Variants in MAP4K4 observed in about 807,000 individuals in gnomAD.
MAP4K4 encodes mitogen-activated protein kinase kinase kinase kinase 4.
MAP4K4 carries 38 observed loss-of-function variants against 189.6 expected under a neutral mutation model. The observed-to-expected ratio is 0.20, with a 90% CI of 0.15 to 0.26. The LOEUF (loss-of-function observed/expected upper bound fraction) is 0.26. Ranked by LOEUF, MAP4K4 falls within the 10% of genes least tolerant of loss-of-function variation. MAP4K4 has a pLI of 1.00. For missense variants in MAP4K4, 1,054 were observed against 1,726.9 expected (o/e 0.61, Z 6.91); for synonymous variants, 610 against 624.3 (o/e 0.98, Z 0.34).
intron 2 of MAP4K4, among the ~76,000 whole-genome samples, chr2:101,716,067 T>A (rs1392309016): frequency 2.0e-5 from 3 of 152,204 alleles, no homozygotes; most frequent in African/African-American, 4.8e-5. Context: ...AAAAGTTTCT[T>A]CATGAAACTG....
At chr2:101,781,011 G>A (rs1002144371) in intron 2 of MAP4K4, among the ~76,000 whole-genome samples, 1 of 152,202 alleles carries the variant, frequency 6.6e-6, no homozygotes, top group African/African-American at 2.4e-5. Flanking sequence ...AGTGAGCAAA[G>A]AGCAGCTGCG....
chr2:101,874,621 C>T (rs2098144476), intron 26 of MAP4K4, among the ~76,000 whole-genome samples: 1 of 152,154 alleles, frequency 6.6e-6, no homozygotes, highest in South Asian at 2.1e-4. Context: ...TGACTGTTCT[C>T]ACTATAAAAT....
At chr2:101,733,416 T>C (rs2059280609) in intron 2 of MAP4K4, among the ~76,000 whole-genome samples, 1 of 152,208 alleles carries the variant, frequency 6.6e-6, no homozygotes, top group African/African-American at 2.4e-5. Context: ...TTTCATGAGA[T>C]CATGCAGCAA....
At chr2:101,781,067 C>G (rs138232810) in intron 2 of MAP4K4, among the ~76,000 whole-genome samples, 1 of 152,174 alleles carries the variant, frequency 6.6e-6, no homozygotes, top group East Asian at 1.9e-4. Flanking sequence ...AATCTGAAAT[C>G]TCCATTGTTT....
intron 2 of MAP4K4, among the ~76,000 whole-genome samples, chr2:101,784,426 A>T (rs1209550309): frequency 6.6e-6 from 1 of 152,162 alleles, no homozygotes; most frequent in Non-Finnish European, 1.5e-5. Flanking sequence ...GGTTACTGAG[A>T]TGTGCATTAA....
chr2:101,874,309 C>T, intron 26 of MAP4K4, 57 bp downstream of exon 26: 1 of 1,483,748 alleles, frequency 6.7e-7, no homozygotes, highest in Non-Finnish European at 9.2e-7. Flanking sequence ...GGTGGCTGGT[C>T]TTCTAGAGAA....
intron 2 of MAP4K4, among the ~76,000 whole-genome samples, chr2:101,787,792 T>C (rs1463469135): frequency 1.3e-5 from 2 of 149,722 alleles, no homozygotes; most frequent in Admixed American, 6.7e-5. Context: ...TAGTTTCAAA[T>C]TTAGAAGTTT....
intron 2 of MAP4K4, among the ~76,000 whole-genome samples, chr2:101,770,042 T>C (rs1451248801): frequency 6.6e-6 from 1 of 152,176 alleles, no homozygotes; most frequent in Non-Finnish European, 1.5e-5. Flanking sequence ...AAAATTATAT[T>C]TCATAAACAT....
chr2:101,892,948 C>T (rs780053924), exon 33 of MAP4K4: 2 of 456,422 alleles, frequency 4.4e-6, no homozygotes, highest in Non-Finnish European at 8.8e-6. Context: ...ATTATGGCTG[C>T]TTTAACCTCA....
At chr2:101,810,069 C>T (rs2095316660) in intron 3 of MAP4K4, among the ~76,000 whole-genome samples, 1 of 152,204 alleles carries the variant, frequency 6.6e-6, no homozygotes, top group African/African-American at 2.4e-5. Context: ...GGTGCTAGTA[C>T]ATCACATGCC....
At chr2:101,822,534 T>A (rs1355585635) in intron 3 of MAP4K4, among the ~76,000 whole-genome samples, 1 of 152,260 alleles carries the variant, frequency 6.6e-6, no homozygotes, top group African/African-American at 2.4e-5. Context: ...ATTTTAAAAA[T>A]TATTTTTCCC....
intron 2 of MAP4K4, among the ~76,000 whole-genome samples, chr2:101,775,003 T>C (rs1023565405): frequency 6.6e-6 from 1 of 151,012 alleles, no homozygotes; most frequent in African/African-American, 2.4e-5. Flanking sequence ...TGTTTATCAA[T>C]CTCACAAAAA....
chr2:101,845,273 GAGA>G (rs1203213119), intron 12 of MAP4K4, among the ~76,000 whole-genome samples: 4 of 152,172 alleles, frequency 2.6e-5, no homozygotes, highest in Non-Finnish European at 5.9e-5. Flanking sequence ...TCCTCTGGTG[GAGA>G]AGTACATTTT....
At chr2:101,859,796 A>G in exon 15 of MAP4K4, 2 of 1,611,308 alleles carry the variant, frequency 1.2e-6, no homozygotes, top group Non-Finnish European at 1.7e-6. Flanking sequence ...GCAGCAGGAA[A>G]GGAGCAAGCC....
At chr2:101,853,730 A>G (rs1265531506) in intron 12 of MAP4K4, among the ~76,000 whole-genome samples, 1 of 152,054 alleles carries the variant, frequency 6.6e-6, no homozygotes. Context: ...ATACATACAT[A>G]TATACATACA....
At chr2:101,845,571 T>A (rs1021567181) in intron 12 of MAP4K4, among the ~76,000 whole-genome samples, 1 of 152,194 alleles carries the variant, frequency 6.6e-6, no homozygotes, top group African/African-American at 2.4e-5. Context: ...CATGTTACTG[T>A]GCCTTATACT....
At chr2:101,802,706 A>G (rs2094480236) in intron 3 of MAP4K4, among the ~76,000 whole-genome samples, 1 of 152,096 alleles carries the variant, frequency 6.6e-6, no homozygotes, top group Non-Finnish European at 1.5e-5. Flanking sequence ...TATTCTACTT[A>G]ATGTATACCA....
chr2:101,812,088 T>C (rs951671858), intron 3 of MAP4K4, among the ~76,000 whole-genome samples: 1 of 152,226 alleles, frequency 6.6e-6, no homozygotes, highest in Non-Finnish European at 1.5e-5. Context: ...GTTTACTTTT[T>C]CTTTTGTGCA....
chr2:101,867,411 C>A, intron 20 of MAP4K4, 102 bp downstream of exon 20: 2 of 812,264 alleles, frequency 2.5e-6, no homozygotes, highest in Non-Finnish European at 4.0e-6. Flanking sequence ...CTGCGAGGGC[C>A]CCTCACAGAT....
Sources: allele counts gnomAD v4.1 joint callset (sites outside exome capture counted in the v4.1 genomes callset), GRCh38; gene constraint gnomAD v4.1.1; transcripts MANE v1.5; gene names NCBI Gene and HGNC (gene_info 2026-07-23, HGNC 2026-07-21).